The following PTPRT variants were observed in gnomAD, a reference collection of about 807,000 sequenced individuals.
The protein encoded by PTPRT is protein tyrosine phosphatase receptor type T, also known as receptor-type tyrosine-protein phosphatase T.
A neutral mutation model predicts 176.8 loss-of-function variants in PTPRT; 56 were observed. The observed-to-expected ratio is 0.32, with a 90% CI of 0.26 to 0.40. The LOEUF is 0.40. Ranked by LOEUF, PTPRT falls within the 10% of genes least tolerant of loss-of-function variation. The probability of loss-of-function intolerance (pLI) is 1.00; values close to 1 mark genes in which losing one functional copy is unlikely to be tolerated. For synonymous variants in PTPRT, 783 were observed against 739.0 expected (o/e 1.06, Z -0.96); for missense variants, 1,540 against 1,908.2 (o/e 0.81, Z 3.60).
intron 23 of PTPRT, among the ~76,000 whole-genome samples, chr20:42,108,383 C>CTCA (rs950898781): frequency 8.1e-4 from 123 of 151,804 alleles, no homozygotes; most frequent in African/African-American, 2.8e-3. Context: ...GGTTTCAATA[C>CTCA]TCATCTATAA....
the PTPRT span, among the ~76,000 whole-genome samples, chr20:42,048,338 G>A: frequency 1.3e-5 from 2 of 152,198 alleles, no homozygotes; most frequent in African/African-American, 4.8e-5. Flanking sequence ...CCCAATGAGA[G>A]GTGGGCTCTG....
chr20:42,234,459 C>T (rs542057292), intron 15 of PTPRT, among the ~76,000 whole-genome samples: 30 of 152,320 alleles, frequency 2.0e-4, no homozygotes, highest in Admixed American at 5.2e-4. Flanking sequence ...TTCGTACCTC[C>T]GTGTCTTTGC....
the PTPRT span, among the ~76,000 whole-genome samples, chr20:42,041,059 C>G: frequency 6.6e-6 from 1 of 152,182 alleles, no homozygotes; most frequent in Non-Finnish European, 1.5e-5. Flanking sequence ...CATAGGACTC[C>G]TAGCTTCTAG....
chr20:42,903,225 A>G (rs987139512), intron 1 of PTPRT, among the ~76,000 whole-genome samples: 8 of 152,232 alleles, frequency 5.3e-5, no homozygotes, highest in African/African-American at 1.4e-4. Context: ...TTGTAATCCA[A>G]GAATTAATCA....
intron 7 of PTPRT, among the ~76,000 whole-genome samples, chr20:42,544,980 C>G (rs746718935): frequency 3.9e-5 from 6 of 152,158 alleles, no homozygotes; most frequent in Non-Finnish European, 7.4e-5. Flanking sequence ...TGGCTGTACA[C>G]TCCCCAGCTT....
At chr20:42,376,721 G>T (rs1056603443) in intron 9 of PTPRT, among the ~76,000 whole-genome samples, 2 of 152,112 alleles carry the variant, frequency 1.3e-5, no homozygotes, top group East Asian at 1.9e-4. Flanking sequence ...TTGAGGCAAA[G>T]AATTCCAGAC....
At chr20:42,083,020 C>G (rs1262732179) in intron 29 of PTPRT, among the ~76,000 whole-genome samples, 1 of 149,256 alleles carries the variant, frequency 6.7e-6, no homozygotes, top group East Asian at 2.0e-4. Flanking sequence ...TCAAGGAAAC[C>G]AAGTTCCCTG....
intron 9 of PTPRT, 116 bp downstream of exon 9, chr20:42,448,104 G>T: frequency 1.2e-6 from 1 of 804,466 alleles, no homozygotes; most frequent in Admixed American, 1.9e-5. Context: ...AAACCTTTTG[G>T]TATGTCTCAT....
intron 2 of PTPRT, among the ~76,000 whole-genome samples, chr20:42,837,758 A>G (rs1476837878): frequency 2.6e-5 from 4 of 152,232 alleles, no homozygotes; most frequent in Non-Finnish European, 4.4e-5. Context: ...AAAGGGAAAC[A>G]AAAGTCCAGT....
At chr20:42,780,962 T>C (rs958967164) in intron 3 of PTPRT, among the ~76,000 whole-genome samples, 1 of 152,096 alleles carries the variant, frequency 6.6e-6, no homozygotes, top group Admixed American at 6.6e-5. Flanking sequence ...ATGGCCAACA[T>C]CCTTGAACTC....
chr20:42,459,132 CA>C (rs1236323431), intron 8 of PTPRT, among the ~76,000 whole-genome samples: 1 of 152,164 alleles, frequency 6.6e-6, no homozygotes. Context: ...CTGAAGGAAC[CA>C]TCCTGCTTAT....
In PTPRT at chr20:43,146,699, C is replaced by T. The variant is rs138255403; in HGVS notation, c.88+42947G>A. Among the ~76,000 whole-genome samples the T allele has an allele frequency of 2.8e-3, 420 of 152,256 alleles. 5 individuals are homozygous for T. The highest frequency in any genetic ancestry group is 0.017 in the Middle Eastern group (5 of 294). On this transcript the variant is annotated intron_variant, in intron 1 of 30. Coordinates refer to ENST00000373187, the MANE Select transcript of PTPRT (RefSeq NM_007050.6). ...GAAGCTGACACCTCGGGTCCTCTCACTTGCATGGGCCCCTTTCAAAGCCCG... is the reference window on the plus strand; with the variant it reads ...GAAGCTGACACCTCGGGTCCTCTCATTTGCATGGGCCCCTTTCAAAGCCCG...
At chr20:42,392,422 T>C (rs1377590650) in intron 9 of PTPRT, among the ~76,000 whole-genome samples, 1 of 150,568 alleles carries the variant, frequency 6.6e-6, no homozygotes, top group Non-Finnish European at 1.5e-5. Flanking sequence ...AATCTTTCTT[T>C]TGGTATTTCT....
chr20:42,416,039 C>T (rs941725546), intron 9 of PTPRT, among the ~76,000 whole-genome samples: 17 of 152,180 alleles, frequency 1.1e-4, no homozygotes, highest in Non-Finnish European at 2.9e-5. Flanking sequence ...GATACATCTG[C>T]TCAGAACCTG....
chr20:42,856,654 C>A (rs971663619), intron 2 of PTPRT, among the ~76,000 whole-genome samples: 1 of 152,046 alleles, frequency 6.6e-6, no homozygotes, highest in Admixed American at 6.5e-5. Context: ...CTCATCAATA[C>A]TAGATCCGCT....
intron 1 of PTPRT, among the ~76,000 whole-genome samples, chr20:42,971,988 G>T: frequency 6.6e-6 from 1 of 151,776 alleles, no homozygotes; most frequent in Non-Finnish European, 1.5e-5. Context: ...AACAATAAGC[G>T]AATAAGCAAA....
chr20:43,066,317 G>A (rs533619495), intron 1 of PTPRT, among the ~76,000 whole-genome samples: 5 of 152,062 alleles, frequency 3.3e-5, no homozygotes, highest in South Asian at 2.1e-4. Flanking sequence ...TGTCACCTAC[G>A]GGAGCACTTC....
chr20:42,808,690 G>T (rs899309636), intron 2 of PTPRT, among the ~76,000 whole-genome samples: 12 of 152,088 alleles, frequency 7.9e-5, no homozygotes, highest in Non-Finnish European at 1.8e-4. Context: ...ATCTGGATGC[G>T]TCAAGTAGAT....
chr20:42,919,208 C>T (rs944889355), intron 1 of PTPRT, among the ~76,000 whole-genome samples: 5 of 152,250 alleles, frequency 3.3e-5, no homozygotes, highest in South Asian at 2.1e-4. Context: ...TTTATTTGGT[C>T]GGGCAGCTGG....
Sources: gnomAD v4.1 joint callset for allele counts (sites outside exome capture counted in the v4.1 genomes callset) on GRCh38, gnomAD v4.1.1 for gene constraint, MANE v1.5 for transcripts, NCBI Gene and HGNC (gene_info 2026-07-23, HGNC 2026-07-21) for gene names.